Variants in LRRN2 observed in about 807,000 individuals in gnomAD.
LRRN2 encodes leucine rich repeat neuronal 2.
A neutral mutation model predicts 35.7 loss-of-function variants in LRRN2; 10 were observed. The ratio of observed to expected loss-of-function variants is 0.28; its 90% CI spans 0.17 to 0.47. The LOEUF (loss-of-function observed/expected upper bound fraction) is 0.47, where lower values mean the gene tolerates loss of function less well. LRRN2 is among the 20% of genes least tolerant of loss of function. The pLI is 0.99. For missense variants in LRRN2, 731 were observed against 940.3 expected (o/e 0.78, Z 2.91); for synonymous variants, 391 against 409.6 (o/e 0.95, Z 0.55).
chr1:204,663,970 A>G (rs1668523189), intron 1 of LRRN2: 1 of 152,342 alleles, frequency 6.6e-6, no homozygotes, highest in African/African-American at 2.4e-5. Context: ...AATGACCACA[A>G]GCTCTGAAAA....
Position 204,619,491 on chromosome 1 carries a change from G to A in LRRN2, c.502C>T (p.Leu168=). ...PRAFSGLSNL[L]RLHLNSNLLR... ...AGGTTGGAGTTGAGGTGCAGCCGCA[G>A]CAAGTTGCTGAGGCCAGAAAAGGCC... Residue 168 remains leucine, a synonymous_variant, in exon 2 of 2, where the codon CTG becomes TTG. Transcript: ENST00000367177. The A allele has an allele frequency of 6.2e-7, 1 of 1,614,268 alleles. No individual in the cohort carries two copies. Among genetic ancestry groups the A allele is most frequent in the East Asian group, 2.2e-5 (1 of 44,892 alleles).
chr1:204,665,611 C>A (rs770826058), intron 1 of LRRN2, among the ~76,000 whole-genome samples: 39 of 152,180 alleles, frequency 2.6e-4, no homozygotes, highest in Admixed American at 6.5e-4. Context: ...GAAAGGCCCA[C>A]CCTGGAGACC....
intron 1 of LRRN2, among the ~76,000 whole-genome samples, chr1:204,684,127 T>C (rs1019534978): frequency 6.6e-6 from 1 of 152,048 alleles, no homozygotes; most frequent in Non-Finnish European, 1.5e-5. Flanking sequence ...CCTGGGTGCA[T>C]GGGGAGACCT....
rs760877267 is a variant in LRRN2 at position 204,619,058 on chromosome 1, A to G, written c.935T>C (p.Leu312Pro). 2 of 1,605,682 alleles carry G rather than the reference A, an allele frequency of 1.2e-6. No individual in the cohort carries two copies. Among genetic ancestry groups the G allele is most frequent in the Non-Finnish European group, 8.5e-7 (1 of 1,174,670 alleles). Residue 312 changes from leucine to proline, a missense_variant, in exon 2 of 2, where the codon CTG becomes CCG. This residue lies in a region of LRRN2 where 256 missense variants were observed against 392.4 expected (regional missense o/e 0.65). Coordinates refer to ENST00000367177, the MANE Select transcript of LRRN2 (RefSeq NM_201630.2). ...DKFALVNLPE[L>P]TKLDITNNPR... ...GTTATTGGTGATGTCCAGCTTGGTC[A>G]GCTCGGGGAGGTTCACCAGGGCAAA...
At chr1:204,655,310 C>T (rs60876843) in intron 1 of LRRN2, among the ~76,000 whole-genome samples, 26,982 of 152,126 alleles carry the variant, frequency 0.18, 2,837 homozygotes, top group East Asian at 0.48. Context: ...TTTCTTGAGA[C>T]AGGGTCTTGC....
intron 1 of LRRN2, among the ~76,000 whole-genome samples, chr1:204,665,314 A>AT (rs1195987331): frequency 2.0e-5 from 3 of 151,812 alleles, no homozygotes; most frequent in South Asian, 2.1e-4. Context: ...TTTCCTTTTT[A>AT]TTTTTTTGGA....
At chr1:204,673,699 G>A (rs1263359721) in intron 1 of LRRN2, among the ~76,000 whole-genome samples, 2 of 152,190 alleles carry the variant, frequency 1.3e-5, no homozygotes, top group South Asian at 2.1e-4. Context: ...TGGGGAAATC[G>A]TTCTGAGGTT....
chr1:204,618,758 G>A lies in LRRN2; in HGVS notation c.1235C>T (p.Pro412Leu), dbSNP rs868345009. Residue 412 changes from proline (P) to leucine (L), a missense_variant, in exon 2 of 2, where the codon CCC becomes CTC. By Grantham distance (98) the Pro-to-Leu change is moderately conservative. Coordinates refer to ENST00000367177, the MANE Select transcript of LRRN2 (RefSeq NM_201630.2). ...ACAGTGGTCCGTCATCTCCCGGAAG[G>A]GCACCTCACGGACCGGGAGGCGCTG... Reference protein sequence around the residue: ...DLQRLPVREVPFREMTDHCLP... With the variant: ...DLQRLPVREVLFREMTDHCLP... 1 of 1,612,640 alleles carries A rather than the reference G, an allele frequency of 6.2e-7. No homozygotes were observed. Among genetic ancestry groups the A allele is most frequent in the African/African-American group, 1.3e-5 (1 of 74,930 alleles).
intron 1 of LRRN2, among the ~76,000 whole-genome samples, chr1:204,678,228 C>T (rs1668868676): frequency 6.6e-6 from 1 of 152,140 alleles, no homozygotes; most frequent in South Asian, 2.1e-4. Context: ...TTCTGCCTCC[C>T]CAGCTGATCA....
At chr1:204,667,810 C>A (rs771456026) in intron 1 of LRRN2, among the ~76,000 whole-genome samples, 2 of 152,124 alleles carry the variant, frequency 1.3e-5, no homozygotes, top group African/African-American at 4.8e-5. Flanking sequence ...TGTGAAGCCA[C>A]GTGAGATGGC....
intron 1 of LRRN2, among the ~76,000 whole-genome samples, chr1:204,682,488 G>C (rs1047068373): frequency 6.6e-6 from 1 of 152,190 alleles, no homozygotes; most frequent in African/African-American, 2.4e-5. Context: ...GCAGATACAA[G>C]TGATTTCAAA....
At chr1:204,676,139 C>CGT (rs56189865) in intron 1 of LRRN2, among the ~76,000 whole-genome samples, 5,284 of 148,900 alleles carry the variant, frequency 0.035, 232 homozygotes, top group African/African-American at 0.1. Context: ...TACATGGAGC[C>CGT]GTGTGTGTGT....
At chr1:204,656,863 G>T (rs903149151) in intron 1 of LRRN2, among the ~76,000 whole-genome samples, 14 of 151,954 alleles carry the variant, frequency 9.2e-5, no homozygotes, top group Non-Finnish European at 1.8e-4. Flanking sequence ...AATTGTGCTG[G>T]GCACCTAATG....
intron 1 of LRRN2, among the ~76,000 whole-genome samples, chr1:204,644,732 C>T (rs1668063067): frequency 6.6e-6 from 1 of 152,234 alleles, no homozygotes. Flanking sequence ...CCTCCCTCAT[C>T]CCTAGCATCC....
chr1:204,623,007 A>G (rs1023242502), intron 1 of LRRN2, among the ~76,000 whole-genome samples: 1 of 152,146 alleles, frequency 6.6e-6, no homozygotes, highest in African/African-American at 2.4e-5. Flanking sequence ...TTCTCCAGCT[A>G]TAGGACTTCT....
At chr1:204,673,792 C>A (rs190258950) in intron 1 of LRRN2, among the ~76,000 whole-genome samples, 6 of 152,114 alleles carry the variant, frequency 3.9e-5, no homozygotes, top group Non-Finnish European at 8.8e-5. Context: ...TGGTTCTCCC[C>A]CTCCCTGCTT....
chr1:204,676,087 T>C (rs1668817006), intron 1 of LRRN2, among the ~76,000 whole-genome samples: 2 of 152,166 alleles, frequency 1.3e-5, no homozygotes, highest in Non-Finnish European at 2.9e-5. Flanking sequence ...GAAATTCAGA[T>C]GACCCTGCAG....
At chr1:204,653,882 A>T (rs574609635) in intron 1 of LRRN2, among the ~76,000 whole-genome samples, 35 of 151,624 alleles carry the variant, frequency 2.3e-4, no homozygotes, top group African/African-American at 8.2e-4. Context: ...AAAAAGAAAA[A>T]CTATTTAGCT....
chr1:204,656,054 C>T (rs1411502402), intron 1 of LRRN2, among the ~76,000 whole-genome samples: 9 of 151,570 alleles, frequency 5.9e-5, no homozygotes, highest in Middle Eastern at 3.4e-3. Flanking sequence ...GGACTACAGG[C>T]GCCCGCCACC....
Sources: gnomAD v4.1 joint callset for allele counts (sites outside exome capture counted in the v4.1 genomes callset) on GRCh38, gnomAD v4.1.1 for gene constraint, gnomAD v4.1.1 regional missense constraint, MANE v1.5 for transcripts, NCBI Gene and HGNC (gene_info 2026-07-23, HGNC 2026-07-21) for gene names.